The following FANCA variants were observed in gnomAD, a reference collection of about 807,000 sequenced individuals.
The protein encoded by FANCA is Fanconi anemia group A protein.
In FANCA, 236 loss-of-function variants were observed where a neutral mutation model predicts 194.3. The observed-to-expected ratio is 1.21, with a 90% CI of 1.09 to 1.35. The LOEUF (loss-of-function observed/expected upper bound fraction) is 1.35, where lower values mean the gene tolerates loss of function less well. FANCA is among the 40% of genes most tolerant of loss of function. The pLI is 0.00. For synonymous variants in FANCA, 1,014 were observed against 715.8 expected, an observed-to-expected ratio of 1.42 and a Z score of -6.65; for missense variants, 2,628 against 1,813.9, an observed-to-expected ratio of 1.45 and a Z score of -8.15.
chr16:89,739,995 ACT>A lies in FANCA; in HGVS notation c.3931_3932del (p.Ser1311Ter), dbSNP rs1403231932. On this transcript the variant is annotated frameshift_variant and splice_region_variant, in exon 39 of 43. Coordinates refer to ENST00000389301, the MANE Select transcript of FANCA (RefSeq NM_000135.4). LOFTEE classifies it high-confidence loss of function. ...SWLALFQLTE[S>X]DLRLGRLLLR... ...GTGCCTCAGCAGCGTGTTTCTTACC[ACT>A]CTCTGTCAACTGAAAGAGTGCCAGC... 2 of 1,613,768 alleles carry A rather than the reference ACT, an allele frequency of 1.2e-6. No homozygotes were observed. The highest frequency in any genetic ancestry group is 1.7e-5 in the Admixed American group (1 of 59,970).
intron 8 of FANCA, among the ~76,000 whole-genome samples, chr16:89,801,388 T>C (rs1006438224): frequency 4.1e-5 from 6 of 145,510 alleles, no homozygotes; most frequent in Non-Finnish European, 6.0e-5. Context: ...ATCAGGGAAA[T>C]ACAAGTCAAA....
rs951863002 is a variant in FANCA at position 89,738,153 on chromosome 16, C to G, written c.*448G>C. On this transcript the variant is annotated 3_prime_UTR_variant, in exon 43 of 43. Coordinates refer to ENST00000389301, the MANE Select transcript of FANCA (RefSeq NM_000135.4). ...TGCACCCGCTGACACAGACCCAGGA[C>G]AAGGCCCTGCCCCTGGAGGCGGAAC... The G allele has an allele frequency of 1.9e-6, 3 of 1,613,500 alleles. No homozygotes were observed. Among genetic ancestry groups the G allele is most frequent in the Admixed American group, 3.3e-5 (2 of 60,010 alleles).
At chr16:89,789,436 C>CTTTTTTTTTTTTTTT (rs532159256) in intron 14 of FANCA, among the ~76,000 whole-genome samples, 1 of 102,556 alleles carries the variant, frequency 9.8e-6, no homozygotes, top group Non-Finnish European at 1.8e-5. Flanking sequence ...AAACTCAATA[C>CTTTTTTTTTTTTTTT]TTTTTTTTTT....
intron 13 of FANCA, 148 bp downstream of exon 13, chr16:89,791,779 G>C: frequency 9.1e-7 from 1 of 1,100,140 alleles, no homozygotes; most frequent in Non-Finnish European, 1.3e-6. Context: ...GTCTGACAAA[G>C]AATGTTCCAT....
At chr16:89,757,879 A>C (rs538154312) in intron 30 of FANCA, among the ~76,000 whole-genome samples, 11 of 152,078 alleles carry the variant, frequency 7.2e-5, no homozygotes, top group Non-Finnish European at 1.6e-4. Context: ...CGTTGTTGCT[A>C]TTTTTATCTT....
At chr16:89,765,545 T>TC (rs1164059704) in intron 27 of FANCA, among the ~76,000 whole-genome samples, 1 of 152,244 alleles carries the variant, frequency 6.6e-6, no homozygotes, top group Non-Finnish European at 1.5e-5. Flanking sequence ...CAAAACTGCC[T>TC]CCCAGGGGTA....
intron 36 of FANCA, chr16:89,744,540 C>G (rs142861427): frequency 1.2e-5 from 4 of 327,422 alleles, no homozygotes; most frequent in Non-Finnish European, 2.4e-5. Context: ...ACGCGGTGCA[C>G]TCTAGGAGCC....
At chr16:89,775,399 T>C (rs925054926) in intron 21 of FANCA, among the ~76,000 whole-genome samples, 1 of 152,362 alleles carries the variant, frequency 6.6e-6, no homozygotes, top group East Asian at 1.9e-4. Context: ...GAGCCAGCGC[T>C]GTGGGCCCCA....
intron 5 of FANCA, 35 bp from the exon 6 acceptor site, chr16:89,808,402 C>G: frequency 6.2e-7 from 1 of 1,604,208 alleles, no homozygotes; most frequent in Non-Finnish European, 8.5e-7. Flanking sequence ...AAAACAAAAA[C>G]AAAAAAACCC....
chr16:89,809,227 T>G (rs2143664626), intron 5 of FANCA, among the ~76,000 whole-genome samples: 1 of 151,982 alleles, frequency 6.6e-6, no homozygotes, highest in Admixed American at 6.6e-5. Flanking sequence ...CTCTTCACAG[T>G]CCGTGCAGGA....
At chr16:89,767,654 T>C (rs980404522) in intron 26 of FANCA, among the ~76,000 whole-genome samples, 6 of 152,142 alleles carry the variant, frequency 3.9e-5, no homozygotes, top group African/African-American at 1.2e-4. Context: ...GTTCAAGCAA[T>C]TCTCCTGCCT....
chr16:89,799,726 A>C, intron 8 of FANCA, 88 bp from the exon 9 acceptor site: 1 of 1,183,252 alleles, frequency 8.5e-7, no homozygotes, highest in Middle Eastern at 1.9e-4. Context: ...ATTACTTGTT[A>C]CTCTAAAGTA....
intron 8 of FANCA, among the ~76,000 whole-genome samples, chr16:89,802,164 C>G (rs1040055323): frequency 2.6e-5 from 4 of 152,118 alleles, no homozygotes; most frequent in Non-Finnish European, 4.4e-5. Context: ...GAGTGCAAGG[C>G]GCAATCTTGG....
chr16:89,803,624 C>CT lies in FANCA; in HGVS notation c.710-284dup, dbSNP rs34752953. ...AACAAGTTTATAGTCAGATTTTTTT[C>CT]TTTTTTTTTTTTTTTGTGAGACGGA... On this transcript the variant is annotated intron_variant, in intron 7 of 42. Transcript: ENST00000389301. Among the ~76,000 whole-genome samples the CT allele has an allele frequency of 0.26, 35,613 of 139,058 alleles. 6,397 individuals carry two copies. The highest frequency in any genetic ancestry group is 0.64 in the East Asian group (3,080 of 4,778). The allele number at this position is 139,058 out of a possible 152,430, so 91.2% of individuals were successfully genotyped here. A position where few individuals can be genotyped will look rare whatever the true frequency, so the allele number is the denominator to read the frequency against.
chr16:89,742,116 G>C (rs1332147717), intron 37 of FANCA, among the ~76,000 whole-genome samples: 1 of 151,970 alleles, frequency 6.6e-6, no homozygotes, highest in African/African-American at 2.4e-5. Context: ...CTATGGGATT[G>C]TAGGTGCGCA....
At chr16:89,743,023 A>G (rs1259951542) in intron 36 of FANCA, 85 bp from the exon 37 acceptor site, 5 of 1,494,902 alleles carry the variant, frequency 3.3e-6, no homozygotes, top group Non-Finnish European at 4.5e-6. Flanking sequence ...CCCACCTGTC[A>G]CCTTTGGGGC....
At chr16:89,738,831 T>A (rs1047071335) in intron 42 of FANCA, 51 bp downstream of exon 42, 1 of 1,614,144 alleles carries the variant, frequency 6.2e-7, no homozygotes, top group Admixed American at 1.7e-5. Flanking sequence ...CCCAGGCAGC[T>A]GTCAATTCTC....
intron 30 of FANCA, among the ~76,000 whole-genome samples, chr16:89,757,705 C>A (rs1214325190): frequency 6.6e-6 from 1 of 152,178 alleles, no homozygotes; most frequent in Non-Finnish European, 1.5e-5. Context: ...CCCAGGTACA[C>A]TCCGTCCATC....
chr16:89,779,642 C>T lies in FANCA; in HGVS notation c.1715+227G>A, dbSNP rs3743859. On this transcript the variant is annotated intron_variant, in intron 18 of 42. Coordinates refer to ENST00000389301, the MANE Select transcript of FANCA (RefSeq NM_000135.4). The stretch of plus-strand genomic sequence containing the variant: ...TCCCTTAACGGCAGGATCCTCGATT[C>T]ACAGCCCTGACTCCTGTCTCTCTCT... 0.51 allele frequency among the ~76,000 whole-genome samples: 77,461 copies of T among 152,020 alleles called. 21,535 individuals are homozygous for T. Among genetic ancestry groups the T allele is most frequent in the East Asian group, 0.98 (5,066 of 5,166 alleles).
Sources: gnomAD v4.1 joint callset for allele counts (sites outside exome capture counted in the v4.1 genomes callset) on GRCh38, gnomAD v4.1.1 for gene constraint, MANE v1.5 for transcripts, NCBI Gene and HGNC (gene_info 2026-07-23, HGNC 2026-07-21) for gene names.